The following RGS6 variants were observed in gnomAD, a reference collection of about 807,000 sequenced individuals.
RGS6 encodes regulator of G protein signaling 6, also known as regulator of G-protein signaling 6.
Under a neutral mutation model 78.5 loss-of-function variants are expected in RGS6, and 30 were observed. The observed-to-expected ratio is 0.38, with a 90% confidence interval of 0.29 to 0.52. The LOEUF (loss-of-function observed/expected upper bound fraction) is 0.52. Among genes scored for constraint, RGS6 ranks in the 20% least tolerant of loss-of-function variants. The pLI, the probability that RGS6 is intolerant of heterozygous loss-of-function variation, is 0.85. For missense variants in RGS6, 495 were observed against 609.7 expected (o/e 0.81, Z 1.98); for synonymous variants, 206 against 206.0 (o/e 1.00, Z 0.00).
chr14:72,297,370 C>T (rs2529453), intron 2 of RGS6, among the ~76,000 whole-genome samples: 70,914 of 150,452 alleles, frequency 0.47, 16,746 homozygotes, highest in South Asian at 0.56. Context: ...AAAGAACCAA[C>T]ATCTTAAGAA....
At chr14:72,259,095 A>AC (rs1229207574) in intron 2 of RGS6, among the ~76,000 whole-genome samples, 15 of 152,214 alleles carry the variant, frequency 9.9e-5, no homozygotes, top group Non-Finnish European at 2.2e-4. Flanking sequence ...TACAGCCTAT[A>AC]GTGTCTGCTA....
At chr14:71,915,512 C>G in the RGS6 span, among the ~76,000 whole-genome samples, 1 of 152,082 alleles carries the variant, frequency 6.6e-6, no homozygotes, top group African/African-American at 2.4e-5. Context: ...GTATGACTAC[C>G]CAGCATCCCA....
intron 3 of RGS6, among the ~76,000 whole-genome samples, chr14:72,367,786 A>G (rs143833752): frequency 3.3e-4 from 51 of 152,348 alleles, no homozygotes; most frequent in African/African-American, 1.1e-3. Context: ...CAAACAGCCT[A>G]TGTGACCTGG....
the RGS6 span, among the ~76,000 whole-genome samples, chr14:71,893,651 A>G: frequency 3.3e-5 from 5 of 152,218 alleles, no homozygotes; most frequent in African/African-American, 9.7e-5. Flanking sequence ...TGTATTACAC[A>G]GTAGGATTTT....
At chr14:72,626,630 A>G in the RGS6 span, among the ~76,000 whole-genome samples, 2 of 152,140 alleles carry the variant, frequency 1.3e-5, no homozygotes, top group Non-Finnish European at 2.9e-5. Flanking sequence ...AGTAATGAAC[A>G]ATGCTACCAC....
chr14:72,417,596 G>T (rs547831418), intron 3 of RGS6, among the ~76,000 whole-genome samples: 15 of 152,308 alleles, frequency 9.8e-5, no homozygotes, highest in African/African-American at 3.1e-4. Flanking sequence ...TCGGAGAACC[G>T]CATGGGCTCC....
intron 3 of RGS6, among the ~76,000 whole-genome samples, chr14:72,424,218 C>T (rs1474060424): frequency 6.6e-5 from 10 of 152,182 alleles, no homozygotes. Flanking sequence ...TGTCCTATTC[C>T]AGTCTTTGCT....
chr14:72,354,519 C>A (rs1367135645), intron 3 of RGS6, among the ~76,000 whole-genome samples: 1 of 151,694 alleles, frequency 6.6e-6, no homozygotes, highest in African/African-American at 2.4e-5. Context: ...GCTTGTAGTC[C>A]CAGCTACTTG....
chr14:72,468,727 A>G (rs2095993736), intron 7 of RGS6, among the ~76,000 whole-genome samples: 1 of 152,068 alleles, frequency 6.6e-6, no homozygotes, highest in Non-Finnish European at 1.5e-5. Flanking sequence ...AATCTACGTT[A>G]TTGTGTTTAA....
chr14:72,194,988 G>A (rs1225745657), intron 2 of RGS6, among the ~76,000 whole-genome samples: 6 of 152,010 alleles, frequency 3.9e-5, no homozygotes, highest in Admixed American at 3.3e-4. Context: ...CAGGCGGATC[G>A]CTTGAGGTCA....
chr14:72,166,452 A>G (rs2096929217), intron 2 of RGS6, among the ~76,000 whole-genome samples: 1 of 152,222 alleles, frequency 6.6e-6, no homozygotes, highest in Non-Finnish European at 1.5e-5. Context: ...CATTTATATG[A>G]CAAAGAAAAT....
chr14:71,912,918 CG>C, the RGS6 span, among the ~76,000 whole-genome samples: 6 of 152,114 alleles, frequency 3.9e-5, no homozygotes, highest in East Asian at 1.2e-3. Flanking sequence ...CTCTGACTCC[CG>C]GGTTCATGCC....
intron 7 of RGS6, among the ~76,000 whole-genome samples, chr14:72,467,400 C>G (rs1440486466): frequency 6.6e-6 from 1 of 152,140 alleles, no homozygotes; most frequent in Non-Finnish European, 1.5e-5. Context: ...GCCCTTCCTG[C>G]TTTTACTGCC....
chr14:72,288,379 G>A (rs1010108361), intron 2 of RGS6, among the ~76,000 whole-genome samples: 1 of 152,212 alleles, frequency 6.6e-6, no homozygotes, highest in Non-Finnish European at 1.5e-5. Flanking sequence ...GAATGGAAGG[G>A]ATCCAGTGCT....
chr14:71,962,805 CCT>C (rs997263477), intron 1 of RGS6, among the ~76,000 whole-genome samples: 5 of 152,100 alleles, frequency 3.3e-5, no homozygotes, highest in Admixed American at 6.5e-5. Context: ...ATTACAAATT[CCT>C]CTCTCTCCCA....
intron 2 of RGS6, among the ~76,000 whole-genome samples, chr14:72,241,518 G>A (rs980904439): frequency 1.3e-5 from 2 of 152,038 alleles, no homozygotes; most frequent in East Asian, 1.9e-4. Flanking sequence ...TATAGAAAAC[G>A]TCTATTGGCA....
At chr14:72,422,144 A>T (rs45582134) in intron 3 of RGS6, among the ~76,000 whole-genome samples, 27,989 of 151,978 alleles carry the variant, frequency 0.18, 3,217 homozygotes, top group Non-Finnish European at 0.27. Flanking sequence ...CATGACTTGC[A>T]CCTCCTTGCC....
chr14:72,156,453 CAAAAAAAAAAAAA>C (rs11332387), intron 2 of RGS6, among the ~76,000 whole-genome samples: 4 of 76,778 alleles, frequency 5.2e-5, no homozygotes, highest in Non-Finnish European at 9.6e-5. Flanking sequence ...GACTCCATCT[CAAAAAAAAAAAAA>C]AAAAAAAAAA....
At chr14:72,252,987 C>T (rs2153837942) in intron 2 of RGS6, among the ~76,000 whole-genome samples, 1 of 152,336 alleles carries the variant, frequency 6.6e-6, no homozygotes, top group African/African-American at 2.4e-5. Context: ...GTGTTGTCCA[C>T]TCAAACTGCT....
Sources: allele counts gnomAD v4.1 joint callset (sites outside exome capture counted in the v4.1 genomes callset), GRCh38; gene constraint gnomAD v4.1.1; transcripts MANE v1.5; gene names NCBI Gene and HGNC (gene_info 2026-07-23, HGNC 2026-07-21).